The following JAKMIP2 variants were observed in gnomAD, a reference collection of about 807,000 sequenced individuals.
JAKMIP2 encodes the protein janus kinase and microtubule interacting protein 2.
Under a neutral mutation model 115.0 loss-of-function variants are expected in JAKMIP2, and 25 were observed. The observed-to-expected ratio is 0.22, with a 90% CI of 0.16 to 0.30. JAKMIP2 has a LOEUF of 0.30. Among genes scored for constraint, JAKMIP2 ranks in the 10% least tolerant of loss-of-function variants. The probability of loss-of-function intolerance (pLI) is 1.00; values close to 1 mark genes in which losing one functional copy is unlikely to be tolerated. For synonymous variants in JAKMIP2, 334 were observed against 343.6 expected (o/e 0.97, Z 0.31); for missense variants, 642 against 957.6 (o/e 0.67, Z 4.35).
In JAKMIP2 at chr5:147,628,840, C is replaced by T. The variant is rs781534529; in HGVS notation, c.1930-24G>A. On this transcript the variant is annotated intron_variant, in intron 15 of 21. Transcript: ENST00000616793. ...TTCTGTAAAAAATAAGAAAGGCCGT[C>T]AGCTGAACATACTGACATTATTTAC... 11 of 1,576,764 alleles carry T rather than the reference C, an allele frequency of 7.0e-6. No individual in the cohort carries two copies. The African/African-American group carries it at 1.2e-4, about 17-fold the overall frequency.
chr5:147,767,181 T>A (rs1755185772), intron 1 of JAKMIP2, among the ~76,000 whole-genome samples: 1 of 152,152 alleles, frequency 6.6e-6, no homozygotes, highest in Non-Finnish European at 1.5e-5. Context: ...ACATTGTGTG[T>A]GCACACGCGT....
chr5:147,777,032 G>T (rs1009090247), intron 1 of JAKMIP2, among the ~76,000 whole-genome samples: 1 of 152,128 alleles, frequency 6.6e-6, no homozygotes, highest in African/African-American at 2.4e-5. Context: ...ATGTGTTTTT[G>T]TTTTTGTTTT....
At chr5:147,759,913 G>A (rs1227574946) in intron 1 of JAKMIP2, among the ~76,000 whole-genome samples, 2 of 152,014 alleles carry the variant, frequency 1.3e-5, no homozygotes, top group South Asian at 2.1e-4. Flanking sequence ...TTCAGGCAGG[G>A]GAAGATGGCA....
At chr5:147,716,050 T>A (rs1331893297) in intron 1 of JAKMIP2, among the ~76,000 whole-genome samples, 1 of 140,170 alleles carries the variant, frequency 7.1e-6, no homozygotes, top group African/African-American at 2.7e-5. Context: ...TGTGTCCATG[T>A]GATCTCATTG....
rs144018002 is a variant in JAKMIP2 at position 147,602,476 on chromosome 5, A to G, written c.2413-665T>C. Among the ~76,000 whole-genome samples, 67 of 152,318 alleles carry G rather than the reference A, an allele frequency of 4.4e-4. No homozygotes were observed. The East Asian group carries it at 0.012, about 28-fold the overall frequency. ...TGGTATAAAACCTGCTTCTGCATCA[A>G]TGGGCATTTCACATAATAAATGCGT... On this transcript the variant is annotated intron_variant, in intron 20 of 21. Transcript: ENST00000616793.
intron 16 of JAKMIP2, among the ~76,000 whole-genome samples, chr5:147,626,386 C>T (rs894679434): frequency 6.6e-6 from 1 of 152,162 alleles, no homozygotes; most frequent in Non-Finnish European, 1.5e-5. Flanking sequence ...TTTGCCTCAG[C>T]TCCGACAGCC....
At chr5:147,684,308 C>T (rs925911121) in intron 1 of JAKMIP2, among the ~76,000 whole-genome samples, 8 of 151,310 alleles carry the variant, frequency 5.3e-5, no homozygotes, top group African/African-American at 1.7e-4. Flanking sequence ...CACACACACA[C>T]ACACACACAC....
At chr5:147,723,794 T>C (rs1409749223) in intron 1 of JAKMIP2, among the ~76,000 whole-genome samples, 2 of 152,178 alleles carry the variant, frequency 1.3e-5, no homozygotes, top group African/African-American at 4.8e-5. Context: ...CCACCAGCCA[T>C]GGCTGTCTCT....
rs58086292 is a variant in JAKMIP2 at position 147,690,539 on chromosome 5, TTATATATATATATATATATATATATATA to T, written c.-148-18613_-148-18586del. 2.2e-4 allele frequency among the ~76,000 whole-genome samples: 20 copies of T among 92,272 alleles called. 1 individual carries two copies. Among genetic ancestry groups the T allele is most frequent in the Admixed American group, 1.2e-3 (9 of 7,748 alleles). The allele number at this position is 92,272 out of a possible 152,430, so 60.5% of individuals were successfully genotyped here. ...TCATTCATGTAAAAAACTAAAGAGATTATATATATATATATATATATATATATATATATATATATATATATGCACATAT... is the reference window on the plus strand; with the variant it reads ...TCATTCATGTAAAAAACTAAAGAGATTATATATATATATATATGCACATAT... On this transcript the variant is annotated intron_variant, in intron 1 of 21. Transcript: ENST00000616793.
intron 3 of JAKMIP2, chr5:147,660,574 C>T (rs1758906241): frequency 2.6e-6 from 1 of 389,990 alleles, no homozygotes; most frequent in Admixed American, 3.2e-5. Flanking sequence ...GAAAAGCCCA[C>T]AAAAACATGC....
At chr5:147,598,005 T>C (rs375729741) in intron 21 of JAKMIP2, among the ~76,000 whole-genome samples, 1 of 134,908 alleles carries the variant, frequency 7.4e-6, no homozygotes, top group South Asian at 2.4e-4. Context: ...TTTTTTTTTT[T>C]CTTTATTTTT....
chr5:147,661,405 C>G lies in JAKMIP2; in HGVS notation c.170G>C (p.Arg57Thr). ...CTTGCGCTGCTCCAGCTCACGAATC[C>G]TCTTCGCTTCTTGAGTCTTCTCTCT... ...LEREKTQEAK[R>T]IRELEQRKHT... is the part of the protein sequence containing the mutation. Residue 57 changes from arginine (R) to threonine (T), a missense_variant, in exon 3 of 22, where the codon AGG becomes ACG. Around this residue, in one of 6 missense-constraint regions of JAKMIP2, gnomAD observed 439 missense variants for 570.9 expected, o/e 0.77. Coordinates refer to ENST00000616793, the MANE Select transcript of JAKMIP2 (RefSeq NM_001270941.2). The G allele has an allele frequency of 6.2e-7, 1 of 1,613,716 alleles. No individual in the cohort carries two copies. The highest frequency in any genetic ancestry group is 1.1e-5 in the South Asian group (1 of 90,970).
intron 1 of JAKMIP2, among the ~76,000 whole-genome samples, chr5:147,697,770 A>G (rs1054989736): frequency 1.3e-5 from 2 of 152,240 alleles, no homozygotes; most frequent in Admixed American, 1.3e-4. Context: ...ACCTCTGCCT[A>G]GATTTCAGAG....
intron 3 of JAKMIP2, among the ~76,000 whole-genome samples, chr5:147,651,997 T>C (rs1758419550): frequency 6.6e-6 from 1 of 152,218 alleles, no homozygotes; most frequent in African/African-American, 2.4e-5. Flanking sequence ...TTGTTTTTTA[T>C]GTACTCACCT....
Position 147,629,696 on chromosome 5 carries a change from A to G in JAKMIP2, c.1926T>C (p.Asn642=). 1 of 1,611,280 alleles carries G rather than the reference A, an allele frequency of 6.2e-7. No individual in the cohort carries two copies. Reference sequence around the variant, plus strand: ...ACTAAATCAATTCTTTACTTACCCCATTATCACCCAAGATATCAAGCTGCT... The same window carrying G: ...ACTAAATCAATTCTTTACTTACCCCGTTATCACCCAAGATATCAAGCTGCT... ...LIKQLDILGD[N]GNLRNEEQVA... Residue 642 remains asparagine (N), a synonymous_variant, in exon 15 of 22, where the codon AAT becomes AAC. Transcript: ENST00000616793.
intron 1 of JAKMIP2, among the ~76,000 whole-genome samples, chr5:147,707,094 T>C (rs147839032): frequency 6.6e-6 from 1 of 152,266 alleles, no homozygotes; most frequent in Non-Finnish European, 1.5e-5. Flanking sequence ...TATTAAATAA[T>C]TCTAGGTACT....
chr5:147,744,011 C>T (rs1423252604), intron 1 of JAKMIP2, among the ~76,000 whole-genome samples: 8 of 121,178 alleles, frequency 6.6e-5, no homozygotes, highest in East Asian at 2.3e-4. Flanking sequence ...TCCTTCCTTC[C>T]TTCCTTCCTT....
intron 20 of JAKMIP2, among the ~76,000 whole-genome samples, chr5:147,602,650 T>A (rs1034835803): frequency 6.6e-6 from 1 of 152,218 alleles, no homozygotes; most frequent in Non-Finnish European, 1.5e-5. Flanking sequence ...GGTATATAAC[T>A]AACCGTATAC....
intron 1 of JAKMIP2, among the ~76,000 whole-genome samples, chr5:147,745,056 CAAA>C (rs60275664): frequency 5.7e-5 from 5 of 88,382 alleles, no homozygotes; most frequent in Non-Finnish European, 7.4e-5. Context: ...GACTCTGTCT[CAAA>C]AAAAAAAAAA....
Sources: allele counts gnomAD v4.1 joint callset (sites outside exome capture counted in the v4.1 genomes callset), GRCh38; gene constraint gnomAD v4.1.1; regional missense constraint gnomAD v4.1.1; transcripts MANE v1.5; gene names NCBI Gene and HGNC (gene_info 2026-07-23, HGNC 2026-07-21).